The following COL14A1 variants were observed in gnomAD, a reference collection of about 807,000 sequenced individuals.
COL14A1 encodes the protein collagen alpha-1(XIV) chain.
COL14A1 carries 136 observed loss-of-function variants against 230.3 expected under a neutral mutation model. The ratio of observed to expected loss-of-function variants is 0.59; its 90% CI spans 0.51 to 0.68. The LOEUF is 0.68. Among genes scored for constraint, COL14A1 ranks in the 30% least tolerant of loss-of-function variants. COL14A1 has a pLI of 0.00. For missense variants in COL14A1, 1,976 were observed against 2,215.8 expected (o/e 0.89, Z 2.17); for synonymous variants, 792 against 784.1 (o/e 1.01, Z -0.17).
intron 42 of COL14A1, among the ~76,000 whole-genome samples, chr8:120,335,495 G>A (rs986802264): frequency 7.9e-5 from 12 of 152,052 alleles, no homozygotes; most frequent in African/African-American, 2.9e-4. Flanking sequence ...GACTTTTTTG[G>A]GCCCACTGGC....
At chr8:120,128,745 G>A (rs1319662173) in intron 1 of COL14A1, among the ~76,000 whole-genome samples, 2 of 152,188 alleles carry the variant, frequency 1.3e-5, no homozygotes, top group African/African-American at 2.4e-5. Flanking sequence ...TTTTTTATTA[G>A]TGGTCTTGTT....
intron 3 of COL14A1, among the ~76,000 whole-genome samples, chr8:120,159,050 C>T (rs962594556): frequency 3.3e-5 from 5 of 152,158 alleles, no homozygotes; most frequent in African/African-American, 1.2e-4. Context: ...CTCAGTGCCT[C>T]AAGTTTCTTC....
chr8:120,310,245 A>G (rs1820994833), intron 37 of COL14A1, among the ~76,000 whole-genome samples, 183 bp downstream of exon 37: 2 of 152,222 alleles, frequency 1.3e-5, no homozygotes, highest in South Asian at 2.1e-4. Flanking sequence ...ATCAAAAAGA[A>G]TATTTAATAA....
chr8:120,124,852 A>T (rs1046552010), upstream of COL14A1, among the ~76,000 whole-genome samples: 1 of 151,902 alleles, frequency 6.6e-6, no homozygotes, highest in African/African-American at 2.4e-5. Context: ...GAAGGGAAAG[A>T]GCCTGGCTCG....
chr8:120,364,594 T>A (rs1249279577), intron 45 of COL14A1, among the ~76,000 whole-genome samples: 2 of 152,196 alleles, frequency 1.3e-5, no homozygotes, highest in African/African-American at 4.8e-5. Context: ...TGAAGAATAA[T>A]AAAATCAGCC....
chr8:120,185,392 C>T (rs1055952709), intron 5 of COL14A1, among the ~76,000 whole-genome samples: 10 of 152,200 alleles, frequency 6.6e-5, no homozygotes, highest in Non-Finnish European at 1.2e-4. Context: ...AGGTGGCTCA[C>T]ACCTGTAATC....
chr8:120,336,779 C>G (rs922477133), intron 42 of COL14A1, among the ~76,000 whole-genome samples: 1 of 152,086 alleles, frequency 6.6e-6, no homozygotes, highest in East Asian at 1.9e-4. Context: ...TATGCCATAC[C>G]ATTTCACATG....
chr8:120,309,920 A>T, intron 36 of COL14A1, 89 bp from the exon 37 acceptor site: 1 of 1,248,058 alleles, frequency 8.0e-7, no homozygotes, highest in Non-Finnish European at 1.2e-6. Flanking sequence ...TAAAATAATA[A>T]TGAGTTAATT....
chr8:120,240,596 A>T (rs1818581460), intron 19 of COL14A1, among the ~76,000 whole-genome samples: 2 of 152,324 alleles, frequency 1.3e-5, no homozygotes, highest in East Asian at 1.9e-4. Context: ...GATAAGAGGA[A>T]TACCAGACCT....
At chr8:120,199,840 T>G (rs1817168563) in intron 8 of COL14A1, among the ~76,000 whole-genome samples, 1 of 152,090 alleles carries the variant, frequency 6.6e-6, no homozygotes, top group African/African-American at 2.4e-5. Flanking sequence ...CATGCAAAGG[T>G]CAGGTACATG....
intron 36 of COL14A1, among the ~76,000 whole-genome samples, chr8:120,301,230 A>G (rs1357115313): frequency 6.6e-6 from 1 of 152,084 alleles, no homozygotes; most frequent in Non-Finnish European, 1.5e-5. Flanking sequence ...TCAGGGGTAC[A>G]TGCGAAGGTT....
chr8:120,248,966 C>T (rs1160224547), intron 21 of COL14A1, among the ~76,000 whole-genome samples: 3 of 120,758 alleles, frequency 2.5e-5, no homozygotes, highest in Admixed American at 9.8e-5. Flanking sequence ...CGCTCTGTCA[C>T]CCAGGCTGGA....
rs143672700 is a variant in COL14A1 at position 120,330,577 on chromosome 8, C to G, written c.4660-1564C>G. Among the ~76,000 whole-genome samples, 485 of 152,170 alleles carry G rather than the reference C, an allele frequency of 3.2e-3. 2 individuals carry two copies. Among genetic ancestry groups the G allele is most frequent in the Non-Finnish European group, 4.0e-3 (272 of 67,996 alleles). On this transcript the variant is annotated intron_variant, in intron 40 of 47. Transcript: ENST00000297848. ...TGAGAACATCATGGGAAAGACCAGC[C>G]CCTATGATTCAGTTACCTCCCACTG...
At chr8:120,307,537 A>G (rs1586849612) in intron 36 of COL14A1, among the ~76,000 whole-genome samples, 1 of 152,352 alleles carries the variant, frequency 6.6e-6, no homozygotes, top group East Asian at 1.9e-4. Context: ...CAAGCAATTT[A>G]TGACTTCATA....
chr8:120,216,384 C>G lies in COL14A1; in HGVS notation c.1631C>G (p.Ser544Cys). The change falls in exon 14 of 48, where the codon TCC becomes TGC. Residue 544 changes from serine (S) to cysteine (C), a missense_variant. Transcript: ENST00000297848. ...ALSPPRNLRI[S>C]NVGSNSARLT... ...AGTCCACCAAGAAACCTGAGAATCT[C>G]CAATGTTGGCTCTAACAGTGCTCGA... 1 of 1,613,244 alleles carries G rather than the reference C, an allele frequency of 6.2e-7. No individual in the cohort carries two copies. Among genetic ancestry groups the G allele is most frequent in the Non-Finnish European group, 8.5e-7 (1 of 1,179,778 alleles).
In COL14A1 at chr8:120,283,745, A is replaced by T. The variant is rs1820111226; in HGVS notation, c.3934A>T (p.Asn1312Tyr). 3.1e-6 allele frequency: 5 copies of T among 1,612,622 alleles called. No homozygotes were observed. The highest frequency in any genetic ancestry group is 1.3e-5 in the African/African-American group (1 of 74,866). Residue 1312 changes from asparagine to tyrosine, a missense_variant, in exon 32 of 48, where the codon AAT becomes TAT. Coordinates refer to ENST00000297848, the MANE Select transcript of COL14A1 (RefSeq NM_021110.4). ...PFALWEILNK[N>Y]SDPLVGVILD... The stretch of plus-strand genomic sequence containing the variant: ...TGCTCTTTGGGAGATTTTAAATAAA[A>T]ATTCTGACCCATTGGTTGGGGTTAT...
intron 36 of COL14A1, among the ~76,000 whole-genome samples, chr8:120,307,376 A>C (rs376644496): frequency 6.6e-6 from 1 of 152,216 alleles, no homozygotes; most frequent in Non-Finnish European, 1.5e-5. Context: ...TTGATATTCA[A>C]TAATGGTGCT....
intron 1 of COL14A1, among the ~76,000 whole-genome samples, chr8:120,127,469 G>A (rs1161252089): frequency 6.6e-6 from 1 of 152,198 alleles, no homozygotes; most frequent in Non-Finnish European, 1.5e-5. Flanking sequence ...AGATTGATGG[G>A]AGGAGGCTCT....
chr8:120,255,011 CAAAT>C (rs1030996936), intron 22 of COL14A1, among the ~76,000 whole-genome samples: 6 of 151,976 alleles, frequency 3.9e-5, no homozygotes, highest in African/African-American at 7.2e-5. Flanking sequence ...AAACAACAAA[CAAAT>C]AAGAAAAATA....
Sources: gnomAD v4.1 joint callset for allele counts (sites outside exome capture counted in the v4.1 genomes callset) on GRCh38, gnomAD v4.1.1 for gene constraint, MANE v1.5 for transcripts, NCBI Gene and HGNC (gene_info 2026-07-23, HGNC 2026-07-21) for gene names.